PTPRT: variants seen among roughly 807,000 people sequenced by gnomAD.
PTPRT encodes protein tyrosine phosphatase receptor type T, also known as receptor-type tyrosine-protein phosphatase T.
In PTPRT, 56 loss-of-function variants were observed where a neutral mutation model predicts 176.8. The ratio of observed to expected loss-of-function variants is 0.32; its 90% CI spans 0.26 to 0.40. The LOEUF (loss-of-function observed/expected upper bound fraction) is 0.40. Among genes scored for constraint, PTPRT ranks in the 10% least tolerant of loss-of-function variants. PTPRT has a pLI of 1.00. For synonymous variants in PTPRT, 783 were observed against 739.0 expected, an observed-to-expected ratio of 1.06 and a Z score of -0.96; for missense variants, 1,540 against 1,908.2, an observed-to-expected ratio of 0.81 and a Z score of 3.60.
chr20:42,890,551 T>G lies in PTPRT; in HGVS notation c.89-4619A>C, dbSNP rs542731751. On this transcript the variant is annotated intron_variant, in intron 1 of 30. Coordinates refer to ENST00000373187, the MANE Select transcript of PTPRT (RefSeq NM_007050.6). The stretch of plus-strand genomic sequence containing the variant: ...CAGAAACCACAGAGATACAGACCCA[T>G]GCAGTCAGCACAAGTACAGGCTAGG... Among the ~76,000 whole-genome samples, 19 of 152,208 alleles carry G rather than the reference T, an allele frequency of 1.2e-4. 1 individual carries two copies. Among genetic ancestry groups the G allele is most frequent in the African/African-American group, 4.6e-4 (19 of 41,546 alleles).
intron 6 of PTPRT, among the ~76,000 whole-genome samples, chr20:42,695,956 T>C (rs2075867293): frequency 6.6e-6 from 1 of 152,162 alleles, no homozygotes; most frequent in Non-Finnish European, 1.5e-5. Flanking sequence ...CCTCCTCCTG[T>C]CATTCATGGC....
intron 1 of PTPRT, among the ~76,000 whole-genome samples, chr20:42,996,324 C>A (rs1984220283): frequency 6.6e-6 from 1 of 152,144 alleles, no homozygotes. Flanking sequence ...GAGGCTCACT[C>A]CAAGCAGTTA....
chr20:42,377,556 G>A (rs1055534361), intron 9 of PTPRT, among the ~76,000 whole-genome samples: 1 of 152,166 alleles, frequency 6.6e-6, no homozygotes, highest in African/African-American at 2.4e-5. Flanking sequence ...GTTGTTAATT[G>A]GTGGATCCTA....
chr20:42,123,154 C>T (rs1176864152), intron 19 of PTPRT, among the ~76,000 whole-genome samples: 1 of 152,272 alleles, frequency 6.6e-6, no homozygotes, highest in South Asian at 2.1e-4. Context: ...GGAGCATCCT[C>T]TTAATGCTCA....
chr20:42,779,243 G>A lies in PTPRT; in HGVS notation c.568+975C>T, dbSNP rs931010094. Among the ~76,000 whole-genome samples, 5 of 152,164 alleles carry A rather than the reference G, an allele frequency of 3.3e-5. No individual in the cohort carries two copies. In the East Asian group the frequency reaches 9.6e-4, roughly 29 times the overall value. On this transcript the variant is annotated intron_variant, in intron 4 of 30. Coordinates refer to ENST00000373187, the MANE Select transcript of PTPRT (RefSeq NM_007050.6). ...TGAAATGAGAATAGTCCCTAAATGCGAGGATTGAGAAGCACATAAGGAGAG... is the reference window on the plus strand; with the variant it reads ...TGAAATGAGAATAGTCCCTAAATGCAAGGATTGAGAAGCACATAAGGAGAG...
intron 16 of PTPRT, among the ~76,000 whole-genome samples, chr20:42,171,169 C>T (rs1475042244): frequency 6.6e-6 from 1 of 152,114 alleles, no homozygotes; most frequent in East Asian, 1.9e-4. Context: ...GTTATGTTGG[C>T]TCTGATTCTT....
the PTPRT span, among the ~76,000 whole-genome samples, chr20:42,054,610 A>G: frequency 6.6e-6 from 1 of 152,140 alleles, no homozygotes; most frequent in Admixed American, 6.5e-5. Flanking sequence ...GGCCCCTTGT[A>G]GGGTCTAAGG....
chr20:42,495,973 T>C (rs2071646113), intron 7 of PTPRT, among the ~76,000 whole-genome samples: 1 of 152,174 alleles, frequency 6.6e-6, no homozygotes. Flanking sequence ...GCCTTACTGA[T>C]AACATGAACA....
chr20:42,056,813 A>C, the PTPRT span, among the ~76,000 whole-genome samples: 3 of 152,238 alleles, frequency 2.0e-5, no homozygotes, highest in African/African-American at 7.2e-5. Context: ...TGTCTTAGGC[A>C]AACTAAGAAA....
chr20:42,223,525 T>C (rs1461606727), intron 15 of PTPRT, among the ~76,000 whole-genome samples: 2 of 152,198 alleles, frequency 1.3e-5, no homozygotes, highest in Non-Finnish European at 2.9e-5. Context: ...GAATGAAAGA[T>C]GAGATTACAG....
chr20:42,223,833 C>A (rs544455629), intron 15 of PTPRT, among the ~76,000 whole-genome samples: 3 of 152,158 alleles, frequency 2.0e-5, no homozygotes. Context: ...AGCTTTTCTC[C>A]ACTTCTGAAA....
intron 1 of PTPRT, among the ~76,000 whole-genome samples, chr20:42,894,940 A>T (rs1036888223): frequency 6.6e-6 from 1 of 152,216 alleles, no homozygotes; most frequent in African/African-American, 2.4e-5. Context: ...TGGGCCTCAC[A>T]TAGTAATCGC....
intron 4 of PTPRT, among the ~76,000 whole-genome samples, chr20:42,779,177 A>T (rs1448342052): frequency 6.6e-6 from 1 of 152,224 alleles, no homozygotes; most frequent in Non-Finnish European, 1.5e-5. Context: ...TTGCAGCAGA[A>T]GTGGAAAGAG....
At chr20:42,734,046 T>C (rs535562730) in intron 6 of PTPRT, among the ~76,000 whole-genome samples, 2 of 152,200 alleles carry the variant, frequency 1.3e-5, no homozygotes, top group Non-Finnish European at 2.9e-5. Flanking sequence ...TGAAACGCTG[T>C]GTCTGAGATG....
chr20:42,201,204 G>A (rs1991433792), intron 15 of PTPRT, among the ~76,000 whole-genome samples: 1 of 152,154 alleles, frequency 6.6e-6, no homozygotes, highest in Non-Finnish European at 1.5e-5. Context: ...AGGCTGAGGT[G>A]GGAAGATCAC....
At chr20:42,138,530 C>G (rs943351730) in intron 18 of PTPRT, among the ~76,000 whole-genome samples, 2 of 152,190 alleles carry the variant, frequency 1.3e-5, no homozygotes, top group Non-Finnish European at 2.9e-5. Flanking sequence ...AGAAGGGGGC[C>G]TCATTTTGTA....
At chr20:43,054,874 C>T (rs115863489) in intron 1 of PTPRT, among the ~76,000 whole-genome samples, 230 of 152,308 alleles carry the variant, frequency 1.5e-3, no homozygotes, top group African/African-American at 5.3e-3. Flanking sequence ...CTCTATGATA[C>T]TTGGTAGAGG....
intron 1 of PTPRT, among the ~76,000 whole-genome samples, chr20:42,923,252 A>G (rs747945806): frequency 6.6e-6 from 1 of 152,208 alleles, no homozygotes; most frequent in Non-Finnish European, 1.5e-5. Flanking sequence ...AAAGCCACAG[A>G]TTGGGTAGGA....
At position 42,408,741 on chromosome 20, in the gene PTPRT, G is replaced by A. The variant is rs933415496; in HGVS notation, c.1560+39479C>T. Among the ~76,000 whole-genome samples the A allele has an allele frequency of 6.6e-5, 10 of 152,042 alleles. No individual in the cohort carries two copies. The South Asian group carries it at 1.2e-3, about 19-fold the overall frequency. ...AGGAAAAAGATTATCTAACTATCTC[G>A]GTCTGCCTTCTGCTGCTATAAAAAA... On this transcript the variant is annotated intron_variant, in intron 9 of 30. Transcript: ENST00000373187.
Sources: gnomAD v4.1 joint callset for allele counts (sites outside exome capture counted in the v4.1 genomes callset) on GRCh38, gnomAD v4.1.1 for gene constraint, MANE v1.5 for transcripts, NCBI Gene and HGNC (gene_info 2026-07-23, HGNC 2026-07-21) for gene names.